The following TSPAN2 variants were observed in gnomAD, a reference collection of about 807,000 sequenced individuals.
TSPAN2 encodes the protein tetraspanin-2.
In TSPAN2, 24 loss-of-function variants were observed where a neutral mutation model predicts 33.3. That is an observed-to-expected ratio of 0.72 (90% confidence interval 0.52 to 1.01). The LOEUF (loss-of-function observed/expected upper bound fraction) is 1.01. Ranked by LOEUF, TSPAN2 falls within the 50% of genes least tolerant of loss-of-function variation. TSPAN2 has a pLI of 0.00. For synonymous variants in TSPAN2, 114 were observed against 104.5 expected (o/e 1.09, Z -0.56); for missense variants, 278 against 281.3 (o/e 0.99, Z 0.08).
chr1:115,079,753 A>T (rs1205382295), intron 1 of TSPAN2, among the ~76,000 whole-genome samples: 1 of 152,212 alleles, frequency 6.6e-6, no homozygotes, highest in Non-Finnish European at 1.5e-5. Flanking sequence ...GTTAGTCTGG[A>T]AATGCATGGC....
At chr1:115,055,420 C>CCTTA (rs1045226833) in intron 6 of TSPAN2, among the ~76,000 whole-genome samples, 2 of 151,856 alleles carry the variant, frequency 1.3e-5, no homozygotes, top group Non-Finnish European at 2.9e-5. Flanking sequence ...ACACCTACAC[C>CCTTA]CTTAGGTCAT....
chr1:115,066,500 G>C (rs893338811), intron 2 of TSPAN2, among the ~76,000 whole-genome samples: 2 of 152,154 alleles, frequency 1.3e-5, no homozygotes, highest in African/African-American at 4.8e-5. Context: ...AGGTTTCAGA[G>C]TCTTCTTTTA....
chr1:115,068,564 T>C (rs961121640), intron 2 of TSPAN2, among the ~76,000 whole-genome samples: 1 of 152,176 alleles, frequency 6.6e-6, no homozygotes, highest in Non-Finnish European at 1.5e-5. Context: ...CTGGAACCTA[T>C]TCTGAAAAGG....
At chr1:115,067,484 C>T (rs962088365) in intron 2 of TSPAN2, among the ~76,000 whole-genome samples, 2 of 152,140 alleles carry the variant, frequency 1.3e-5, no homozygotes, top group Admixed American at 1.3e-4. Context: ...GAGAAATTGT[C>T]TCAACAATGT....
chr1:115,060,449 A>T lies in TSPAN2; in HGVS notation c.345+15T>A. ...TTAACCATCATAGAAAAACATTATA[A>T]GTAATTTTACTTACTACCCCCTTGC... On this transcript the variant is annotated intron_variant, in intron 4 of 7. Coordinates refer to ENST00000369516, the MANE Select transcript of TSPAN2 (RefSeq NM_005725.6). The T allele has an allele frequency of 6.3e-7, 1 of 1,594,914 alleles. No homozygotes were observed. The highest frequency in any genetic ancestry group is 1.1e-5 in the South Asian group (1 of 89,370).
chr1:115,084,508 C>T (rs1475649061), intron 1 of TSPAN2, among the ~76,000 whole-genome samples: 1 of 152,144 alleles, frequency 6.6e-6, no homozygotes, highest in Admixed American at 6.5e-5. Flanking sequence ...AGACTGTCCC[C>T]TCTTGTAGGC....
intron 2 of TSPAN2, among the ~76,000 whole-genome samples, chr1:115,068,432 C>T (rs1171507849): frequency 1.3e-5 from 2 of 152,204 alleles, no homozygotes; most frequent in African/African-American, 2.4e-5. Flanking sequence ...TCCTGGGGTT[C>T]CTCTCAGAGA....
chr1:115,072,772 T>C, intron 2 of TSPAN2, 133 bp downstream of exon 2: 1 of 723,544 alleles, frequency 1.4e-6, no homozygotes, highest in Non-Finnish European at 2.4e-6. Context: ...GGCTCAGAGG[T>C]GGCTCCTTTC....
chr1:115,068,672 T>C (rs1190719583), intron 2 of TSPAN2, among the ~76,000 whole-genome samples: 1 of 152,206 alleles, frequency 6.6e-6, no homozygotes, highest in African/African-American at 2.4e-5. Context: ...CCTCATACTG[T>C]ATGTTGTGCA....
At chr1:115,082,199 T>G (rs1339095478) in intron 1 of TSPAN2, among the ~76,000 whole-genome samples, 1 of 152,226 alleles carries the variant, frequency 6.6e-6, no homozygotes, top group Non-Finnish European at 1.5e-5. Flanking sequence ...TTATTTAGTT[T>G]TAATTAATTT....
intron 2 of TSPAN2, among the ~76,000 whole-genome samples, chr1:115,068,990 A>G (rs1370288373): frequency 6.6e-6 from 1 of 152,192 alleles, no homozygotes; most frequent in African/African-American, 2.4e-5. Flanking sequence ...GCTGACTGCC[A>G]GCCCCAGGTG....
chr1:115,057,919 A>G (rs1469978093), intron 5 of TSPAN2, among the ~76,000 whole-genome samples: 1 of 152,220 alleles, frequency 6.6e-6, no homozygotes, highest in South Asian at 2.1e-4. Flanking sequence ...GGGGCTTTAG[A>G]TTCCTTCTTT....
Position 115,048,922 on chromosome 1 carries a change from C to T in TSPAN2, c.*1568G>A, listed in dbSNP as rs924870664. 6 of 152,020 alleles carry T rather than the reference C, an allele frequency of 3.9e-5. No homozygotes were observed. The highest frequency in any genetic ancestry group is 1.5e-5 in the Non-Finnish European group (1 of 67,952). 9.4% of individuals were successfully genotyped at this position (152,020 alleles called of 1,614,324 possible). ...TGGCAGAAAGAGAAATGTGGTTCTC[C>T]ATGGGAGAGAGACTATTTCAAGCAG... On this transcript the variant is annotated 3_prime_UTR_variant, in exon 8 of 8. Transcript: ENST00000369516.
At position 115,057,676 on chromosome 1, in the gene TSPAN2, G is replaced by A. The variant is rs778354033; in HGVS notation, c.445-68C>T. On this transcript the variant is annotated intron_variant, in intron 5 of 7. Transcript: ENST00000369516. ...TAGCAGCTACAAGTCTGGGCACCCT[G>A]CTAAGGACTGGGGTGCCGAGGCGGC... The A allele has an allele frequency of 1.6e-5, 23 of 1,477,116 alleles. No individual in the cohort carries two copies. The South Asian group carries it at 2.6e-4, about 17-fold the overall frequency. The allele number at this position is 1,477,116 out of a possible 1,614,324, so 91.5% of individuals were successfully genotyped here.
intron 2 of TSPAN2, among the ~76,000 whole-genome samples, chr1:115,063,866 G>A (rs1647833160): frequency 6.6e-6 from 1 of 152,098 alleles, no homozygotes; most frequent in Non-Finnish European, 1.5e-5. Context: ...GGGTACACAT[G>A]GACATAAAGA....
intron 1 of TSPAN2, among the ~76,000 whole-genome samples, chr1:115,084,386 T>C (rs778310940): frequency 4.6e-5 from 7 of 152,268 alleles, no homozygotes; most frequent in Non-Finnish European, 1.0e-4. Context: ...AGTCAGGCAG[T>C]ATGATGTCAG....
intron 2 of TSPAN2, among the ~76,000 whole-genome samples, chr1:115,062,461 C>A (rs1009277921): frequency 7.2e-5 from 11 of 152,174 alleles, no homozygotes; most frequent in African/African-American, 2.7e-4. Flanking sequence ...CCATGAGCCT[C>A]AAAAGCCTGC....
Position 115,055,244 on chromosome 1 carries a change from T to C in TSPAN2, c.517-1782A>G, listed in dbSNP as rs115898472. Reference sequence around the variant, plus strand: ...CTCCTTCCCTTCATTGCCAGCTTCTTTTTGTAAAAAACAAATGTACAAAAG... The same window carrying C: ...CTCCTTCCCTTCATTGCCAGCTTCTCTTTGTAAAAAACAAATGTACAAAAG... On this transcript the variant is annotated intron_variant, in intron 6 of 7. Coordinates refer to ENST00000369516, the MANE Select transcript of TSPAN2 (RefSeq NM_005725.6). Among the ~76,000 whole-genome samples the C allele has an allele frequency of 4.2e-3, 646 of 152,280 alleles. 8 individuals carry two copies. Among genetic ancestry groups the C allele is most frequent in the African/African-American group, 0.015 (631 of 41,562 alleles).
intron 2 of TSPAN2, among the ~76,000 whole-genome samples, chr1:115,069,515 C>T (rs753431462): frequency 3.9e-5 from 6 of 152,200 alleles, no homozygotes; most frequent in South Asian, 2.1e-4. Context: ...GAGCCACTGA[C>T]GGCCGTTTTA....
Sources: allele counts gnomAD v4.1 joint callset (sites outside exome capture counted in the v4.1 genomes callset), GRCh38; gene constraint gnomAD v4.1.1; transcripts MANE v1.5; gene names NCBI Gene and HGNC (gene_info 2026-07-23, HGNC 2026-07-21).